The following TRIP12 variants were observed in gnomAD, a reference collection of about 807,000 sequenced individuals.
TRIP12 encodes the protein E3 ubiquitin-protein ligase TRIP12.
In TRIP12, 25 loss-of-function variants were observed where a neutral mutation model predicts 244.2. The ratio of observed to expected loss-of-function variants is 0.10; its 90% CI spans 0.07 to 0.14. TRIP12 has a LOEUF of 0.14. TRIP12 is among the 10% of genes least tolerant of loss of function. The pLI is 1.00. For synonymous variants in TRIP12, 905 were observed against 873.1 expected, an observed-to-expected ratio of 1.04 and a Z score of -0.64; for missense variants, 1,677 against 2,486.4, an observed-to-expected ratio of 0.67 and a Z score of 6.92.
chr2:229,920,380 C>G (rs942968354), intron 1 of TRIP12, among the ~76,000 whole-genome samples: 8 of 152,098 alleles, frequency 5.3e-5, no homozygotes, highest in Admixed American at 2.0e-4. Flanking sequence ...CAGGCAAGAT[C>G]GAGGACCGCG....
At chr2:229,829,002 C>T (rs1298042129) in intron 8 of TRIP12, among the ~76,000 whole-genome samples, 191 bp downstream of exon 8, 2 of 152,170 alleles carry the variant, frequency 1.3e-5, no homozygotes, top group Non-Finnish European at 2.9e-5. Context: ...CAAACAGAAT[C>T]AATCTCGCTA....
chr2:229,877,196 T>C (rs1010739178), intron 2 of TRIP12, among the ~76,000 whole-genome samples: 4 of 151,064 alleles, frequency 2.6e-5, no homozygotes, highest in African/African-American at 9.8e-5. Flanking sequence ...GCCAGAAAAA[T>C]AGAGTTAGAC....
intron 1 of TRIP12, among the ~76,000 whole-genome samples, chr2:229,893,218 T>C (rs536850754): frequency 2.6e-5 from 4 of 152,348 alleles, no homozygotes; most frequent in East Asian, 1.9e-4. Flanking sequence ...CTATCCATCC[T>C]ATTTTTTGAT....
At chr2:229,922,829 C>T (rs1247062260), upstream of TRIP12, among the ~76,000 whole-genome samples, 1 of 152,238 alleles carries the variant, frequency 6.6e-6, no homozygotes, top group Non-Finnish European at 1.5e-5. Context: ...GGCAAGCCTT[C>T]TCTGCCTCCC....
intron 4 of TRIP12, among the ~76,000 whole-genome samples, chr2:229,855,832 G>A (rs1382000889): frequency 5.3e-5 from 8 of 151,806 alleles, no homozygotes; most frequent in Non-Finnish European, 7.4e-5. Context: ...ACCTGAAGTC[G>A]GGAGTTCGAG....
intron 2 of TRIP12, among the ~76,000 whole-genome samples, chr2:229,874,261 AC>A (rs2063209388): frequency 6.6e-6 from 1 of 152,134 alleles, no homozygotes; most frequent in African/African-American, 2.4e-5. Context: ...CTTTTTCCCC[AC>A]AAACTTTTCT....
At chr2:229,862,829 T>G (rs1291885245) in intron 2 of TRIP12, among the ~76,000 whole-genome samples, 2 of 152,208 alleles carry the variant, frequency 1.3e-5, no homozygotes, top group Non-Finnish European at 2.9e-5. Flanking sequence ...TACTAATACC[T>G]TCAATGAACT....
At chr2:229,852,241 T>C (rs910503304) in intron 4 of TRIP12, among the ~76,000 whole-genome samples, 1 of 152,194 alleles carries the variant, frequency 6.6e-6, no homozygotes, top group Admixed American at 6.5e-5. Context: ...CAATAGAACA[T>C]CTGCCTGGAA....
Position 229,810,979 on chromosome 2 carries a change from G to C in TRIP12, c.2122C>G (p.Pro708Ala). 1 of 1,614,098 alleles carries C rather than the reference G, an allele frequency of 6.2e-7. No individual in the cohort carries two copies. Among genetic ancestry groups the C allele is most frequent in the Non-Finnish European group, 8.5e-7 (1 of 1,180,000 alleles). ...AACATCCCAGAACTTAAAATGGGTG[G>C]AGTCACTACCAACAGCTGTTGAACA... ...TNVQQLLVVT[P>A]PILSSGMFIM... The change falls in exon 15 of 42, where the codon CCA becomes GCA. Residue 708 changes from proline (P) to alanine (A), a missense_variant. Coordinates refer to ENST00000675903, the MANE Select transcript of TRIP12 (RefSeq NM_001348323.3).
intron 37 of TRIP12, 133 bp downstream of exon 37, chr2:229,777,182 T>C (rs2036546169): frequency 2.0e-6 from 2 of 1,022,230 alleles, no homozygotes; most frequent in African/African-American, 1.6e-5. Flanking sequence ...TCTTAGTTAG[T>C]ACAATAAAAG....
chr2:229,774,881 T>C (rs1427601689), intron 37 of TRIP12, among the ~76,000 whole-genome samples: 1 of 152,042 alleles, frequency 6.6e-6, no homozygotes. Flanking sequence ...AAGCAATACT[T>C]TATAAGACAA....
rs1319758251 is a variant in TRIP12 at position 229,797,832 on chromosome 2, C to A, written c.3483-1G>T. On this transcript the variant is annotated splice_acceptor_variant, in intron 23 of 41. Coordinates refer to ENST00000675903, the MANE Select transcript of TRIP12 (RefSeq NM_001348323.3). LOFTEE classifies it high-confidence loss of function. ...CTTAATCCAACCTTTAATTTTTTCTCTACAAGAAACAAAAAGGAGATATTA... is the reference window on the plus strand; with the variant it reads ...CTTAATCCAACCTTTAATTTTTTCTATACAAGAAACAAAAAGGAGATATTA... 1.9e-6 allele frequency: 3 copies of A among 1,611,626 alleles called. No individual in the cohort carries two copies. The highest frequency in any genetic ancestry group is 1.7e-5 in the Admixed American group (1 of 59,564).
rs1574825941 is a variant in TRIP12, at chr2:229,777,436, C to T, written c.5408G>A (p.Arg1803Gln). 5.6e-6 allele frequency: 9 copies of T among 1,613,848 alleles called. No individual in the cohort carries two copies. Among genetic ancestry groups the T allele is most frequent in the Non-Finnish European group, 7.6e-6 (9 of 1,179,824 alleles). ...GTGTGATGTCAGTGAAGTTTCTTGC[C>T]GTAGCATCCATTTATAAAAGGGTAA... ...LGLPFYKWML[R>Q]QETSLTSHDL... Residue 1803 changes from arginine (R) to glutamine (Q), a missense_variant, in exon 37 of 42, where the codon CGG becomes CAG. By Grantham distance (43) the Arg-to-Gln change is conservative. Around this residue, in one of 11 missense-constraint regions of TRIP12, gnomAD observed 171 missense variants for 388.4 expected, o/e 0.44. Transcript: ENST00000675903.
chr2:229,851,255 G>C (rs1419089991), intron 4 of TRIP12, among the ~76,000 whole-genome samples: 1 of 152,062 alleles, frequency 6.6e-6, no homozygotes, highest in Non-Finnish European at 1.5e-5. Context: ...TCTAGCTCAA[G>C]GTTTGTAAAC....
At chr2:229,789,015 T>C in intron 31 of TRIP12, 75 bp from the exon 32 acceptor site, 1 of 1,373,738 alleles carries the variant, frequency 7.3e-7, no homozygotes, top group East Asian at 2.3e-5. Flanking sequence ...TCTTCCATTA[T>C]CCCCAAGTCC....
At chr2:229,769,659 C>T (rs1051654149) in intron 39 of TRIP12, among the ~76,000 whole-genome samples, 2 of 152,004 alleles carry the variant, frequency 1.3e-5, no homozygotes, top group African/African-American at 4.8e-5. Context: ...GGATAATCTG[C>T]TTCTAGTCAG....
chr2:229,845,111 C>G (rs922412567), intron 4 of TRIP12, among the ~76,000 whole-genome samples: 1 of 152,194 alleles, frequency 6.6e-6, no homozygotes, highest in Admixed American at 6.5e-5. Context: ...ATATTATCCT[C>G]TTTTATTGTA....
chr2:229,919,818 A>G (rs2076161986), intron 1 of TRIP12, among the ~76,000 whole-genome samples: 1 of 152,198 alleles, frequency 6.6e-6, no homozygotes, highest in Non-Finnish European at 1.5e-5. Context: ...ACAAACCCCA[A>G]TCATATTATG....
intron 5 of TRIP12, 98 bp downstream of exon 5, chr2:229,840,724 A>G (rs888890019): frequency 4.5e-6 from 4 of 895,548 alleles, no homozygotes; most frequent in Non-Finnish European, 6.6e-6. Context: ...AAACAAACAA[A>G]ACAAAAAACA....
Sources: allele counts gnomAD v4.1 joint callset (sites outside exome capture counted in the v4.1 genomes callset), GRCh38; gene constraint gnomAD v4.1.1; regional missense constraint gnomAD v4.1.1; transcripts MANE v1.5; gene names NCBI Gene and HGNC (gene_info 2026-07-23, HGNC 2026-07-21).